The following GNG7 variants were observed in gnomAD, a reference collection of about 807,000 sequenced individuals.
GNG7 encodes G protein subunit gamma 7.
A neutral mutation model predicts 4.0 loss-of-function variants in GNG7; 1 was observed. The ratio of observed to expected loss-of-function variants is 0.25; its 90% confidence interval spans 0.09 to 1.18. GNG7 has a LOEUF of 1.18. Ranked by LOEUF, GNG7 falls within the 50% of genes most tolerant of loss-of-function variation. The pLI is 0.50. For missense variants in GNG7, 86 were observed against 91.9 expected (o/e 0.94, Z 0.26); for synonymous variants, 34 against 36.9 (o/e 0.92, Z 0.29).
intron 1 of GNG7, among the ~76,000 whole-genome samples, chr19:2,701,708 GC>G: frequency 9.5e-6 from 1 of 105,556 alleles, no homozygotes; most frequent in Non-Finnish European, 1.9e-5. Context: ...TCCATCCCCA[GC>G]CCCCTCTCCA....
chr19:2,637,590 G>A lies in GNG7; in HGVS notation c.-78+8634C>T, dbSNP rs948803064. ...AGATCAGGAAAAGCCCGCATCCCACGCCACCCTTTGTAACAGAGAACCCCT... is the reference window on the plus strand; with the variant it reads ...AGATCAGGAAAAGCCCGCATCCCACACCACCCTTTGTAACAGAGAACCCCT... On this transcript the variant is annotated intron_variant, in intron 2 of 4. Transcript: ENST00000382159. 3.3e-5 allele frequency among the ~76,000 whole-genome samples: 5 copies of A among 152,156 alleles called. No individual in the cohort carries two copies. In the East Asian group the frequency reaches 9.7e-4, roughly 29 times the overall value.
At chr19:2,563,990 G>A (rs1352319139) in intron 2 of GNG7, among the ~76,000 whole-genome samples, 1 of 152,102 alleles carries the variant, frequency 6.6e-6, no homozygotes, top group Admixed American at 6.6e-5. Context: ...GGGTGGGGTG[G>A]GAGAAACAGC....
chr19:2,549,564 C>T (rs1237833301), intron 3 of GNG7, among the ~76,000 whole-genome samples: 3 of 152,146 alleles, frequency 2.0e-5, no homozygotes, highest in African/African-American at 7.2e-5. Flanking sequence ...GCTGGGATGA[C>T]AGACGTGAGC....
At chr19:2,554,513 A>G (rs957061414) in intron 3 of GNG7, among the ~76,000 whole-genome samples, 1 of 147,368 alleles carries the variant, frequency 6.8e-6, no homozygotes, top group African/African-American at 2.5e-5. Context: ...ATACATATAT[A>G]TAGGTATATG....
In GNG7 at chr19:2,531,294, A is replaced by G. The variant is rs548243249; in HGVS notation, c.-37-10569T>C. 1.6e-3 allele frequency among the ~76,000 whole-genome samples: 170 copies of G among 105,326 alleles called. 1 individual carries two copies. The highest frequency in any genetic ancestry group is 6.5e-3 in the African/African-American group (168 of 25,774). 69.1% of individuals were successfully genotyped at this position (105,326 alleles called of 152,430 possible). A position where few individuals can be genotyped will look rare whatever the true frequency, so the allele number is the denominator to read the frequency against. The stretch of plus-strand genomic sequence containing the variant: ...ATTCCAGCTTTGGCAGCTGAGTGAG[A>G]TTCCGTCTCAAAAAAAAAAAAAAAA... On this transcript the variant is annotated intron_variant, in intron 3 of 4. Transcript: ENST00000382159.
At chr19:2,558,912 C>T (rs368296035) in intron 2 of GNG7, among the ~76,000 whole-genome samples, 2 of 151,862 alleles carry the variant, frequency 1.3e-5, no homozygotes, top group Non-Finnish European at 2.9e-5. Context: ...AATTCTCCTG[C>T]CTCAGACTCC....
chr19:2,663,853 G>C (rs1983238498), intron 1 of GNG7, among the ~76,000 whole-genome samples: 1 of 152,170 alleles, frequency 6.6e-6, no homozygotes, highest in Admixed American at 6.5e-5. Context: ...CTATTAAACT[G>C]GGGCTTGATT....
chr19:2,638,110 A>G (rs1362193348), intron 2 of GNG7, among the ~76,000 whole-genome samples: 4 of 151,734 alleles, frequency 2.6e-5, no homozygotes, highest in African/African-American at 9.7e-5. Flanking sequence ...CACGCCTGTC[A>G]CCCCAGCACT....
chr19:2,581,149 G>A (rs973717984), intron 2 of GNG7, among the ~76,000 whole-genome samples: 3 of 152,008 alleles, frequency 2.0e-5, no homozygotes, highest in African/African-American at 4.8e-5. Context: ...TTCCATGAAC[G>A]CTGTGGGAAA....
intron 1 of GNG7, among the ~76,000 whole-genome samples, chr19:2,672,738 G>C (rs894456214): frequency 1.3e-5 from 2 of 151,902 alleles, no homozygotes; most frequent in African/African-American, 4.8e-5. Context: ...GAGCCACCGC[G>C]CCTGGTCTGT....
rs1474493666 is a variant in GNG7, at chr19:2,634,739, C to T, written c.-78+11485G>A. Among the ~76,000 whole-genome samples, 1 of 152,138 alleles carries T rather than the reference C, an allele frequency of 6.6e-6. No individual in the cohort carries two copies. Among genetic ancestry groups the T allele is most frequent in the Non-Finnish European group, 1.5e-5 (1 of 68,038 alleles). On this transcript the variant is annotated intron_variant, in intron 2 of 4. Coordinates refer to ENST00000382159, the MANE Select transcript of GNG7 (RefSeq NM_052847.3). This position sits in a 1 kb window ranked among gnomAD's most constrained non-coding sequence, Gnocchi z 5.3. ...AAAGAACTGATAATAACGTGAATTT[C>T]AACACGACCAGGACATGCTGAAATC...
intron 3 of GNG7, among the ~76,000 whole-genome samples, chr19:2,524,199 C>T (rs1017199324): frequency 5.3e-5 from 8 of 152,184 alleles, no homozygotes; most frequent in Non-Finnish European, 7.4e-5. Context: ...AGCCACCGCC[C>T]GCAATTTCCA....
At position 2,596,430 on chromosome 19, in the gene GNG7, G is replaced by C. The variant is rs535085432; in HGVS notation, c.-77-41242C>G. On this transcript the variant is annotated intron_variant, in intron 2 of 4. Transcript: ENST00000382159. ...ACCTGCAATCCCAGCACTTTGAAAG[G>C]CTGAGGCAGGAAAATCACTTGAGCC... 7.7e-4 allele frequency among the ~76,000 whole-genome samples: 117 copies of C among 152,176 alleles called. 1 individual carries two copies. Among genetic ancestry groups the C allele is most frequent in the African/African-American group, 2.7e-3 (111 of 41,524 alleles).
chr19:2,566,034 T>C (rs561669563), intron 2 of GNG7, among the ~76,000 whole-genome samples: 43 of 152,086 alleles, frequency 2.8e-4, no homozygotes, highest in Non-Finnish European at 3.8e-4. Context: ...GGTGGGCACC[T>C]GTAATCCCAG....
rs186906073 is a variant in GNG7 at position 2,639,711 on chromosome 19, G to A, written c.-78+6513C>T. On this transcript the variant is annotated intron_variant, in intron 2 of 4. Transcript: ENST00000382159. ...GAGGGAGGCAGGGAGTGGGGGAGGA[G>A]GGGGGGAAGGGAGGGAAGGGAGAGA... Among the ~76,000 whole-genome samples the A allele has an allele frequency of 5.1e-3, 49 of 9,630 alleles. 1 individual carries two copies. The highest frequency in any genetic ancestry group is 0.031 in the African/African-American group (42 of 1,376). The allele number at this position is 9,630 out of a possible 152,430, so 6.3% of individuals were successfully genotyped here. A position where few individuals can be genotyped will look rare whatever the true frequency, so the allele number is the denominator to read the frequency against.
At chr19:2,657,086 C>G (rs937054677) in intron 1 of GNG7, among the ~76,000 whole-genome samples, 18 of 151,756 alleles carry the variant, frequency 1.2e-4, no homozygotes, top group African/African-American at 3.9e-4. Context: ...GTAATCCCAG[C>G]CCTTTGGGAG....
At chr19:2,599,242 C>T (rs1981127102) in intron 2 of GNG7, among the ~76,000 whole-genome samples, 1 of 152,072 alleles carries the variant, frequency 6.6e-6, no homozygotes, top group Non-Finnish European at 1.5e-5. Flanking sequence ...ACCGCACTTT[C>T]CCCTCGCTGA....
intron 1 of GNG7, among the ~76,000 whole-genome samples, chr19:2,697,786 T>TCC (rs150074058): frequency 1.6e-5 from 2 of 124,810 alleles, no homozygotes; most frequent in African/African-American, 2.8e-5. Context: ...GAGGGCCCCG[T>TCC]CCCCCCCCCC....
intron 2 of GNG7, among the ~76,000 whole-genome samples, chr19:2,573,720 G>A (rs1035682549): frequency 5.3e-5 from 8 of 152,260 alleles, no homozygotes; most frequent in Non-Finnish European, 1.2e-4. Context: ...GTGGGCGCCT[G>A]TAATCCCAGC....
Sources: allele counts gnomAD v4.1 joint callset (sites outside exome capture counted in the v4.1 genomes callset), GRCh38; gene constraint gnomAD v4.1.1; non-coding constraint Gnocchi (gnomAD v3.1); transcripts MANE v1.5; gene names NCBI Gene and HGNC (gene_info 2026-07-23, HGNC 2026-07-21).